SGCZ: variants seen among roughly 807,000 people sequenced by gnomAD.
SGCZ encodes sarcoglycan zeta.
A neutral mutation model predicts 41.3 loss-of-function variants in SGCZ; 40 were observed. The ratio of observed to expected loss-of-function variants is 0.97; its 90% CI spans 0.75 to 1.26. SGCZ has a LOEUF of 1.26. Among genes scored for constraint, SGCZ ranks in the 50% most tolerant of loss-of-function variants. SGCZ has a pLI of 0.00. For missense variants in SGCZ, 552 were observed against 369.8 expected (o/e 1.49, Z -4.04); for synonymous variants, 206 against 137.5 (o/e 1.50, Z -3.49).
intron 2 of SGCZ, among the ~76,000 whole-genome samples, chr8:14,534,412 T>G (rs1342359110): frequency 6.6e-6 from 1 of 152,070 alleles, no homozygotes; most frequent in Non-Finnish European, 1.5e-5. Context: ...AGTTTCTAAG[T>G]AGAACTGTAT....
At chr8:14,116,666 A>C (rs946334812) in intron 5 of SGCZ, among the ~76,000 whole-genome samples, 6 of 152,082 alleles carry the variant, frequency 3.9e-5, no homozygotes, top group Non-Finnish European at 5.9e-5. Flanking sequence ...TTGTTGCTCA[A>C]GGTTGCTCCT....
At chr8:14,599,322 C>T (rs940352634) in intron 1 of SGCZ, among the ~76,000 whole-genome samples, 5 of 152,146 alleles carry the variant, frequency 3.3e-5, no homozygotes, top group Non-Finnish European at 7.3e-5. Context: ...TAAAGTCCTT[C>T]GTCCTACCCT....
At chr8:14,891,814 T>A (rs1805029806) in intron 1 of SGCZ, among the ~76,000 whole-genome samples, 1 of 152,186 alleles carries the variant, frequency 6.6e-6, no homozygotes, top group Admixed American at 6.5e-5. Context: ...TTAGCAACCA[T>A]CACCCTCATC....
At chr8:15,148,876 T>C (rs1306831996) in intron 1 of SGCZ, among the ~76,000 whole-genome samples, 1 of 152,170 alleles carries the variant, frequency 6.6e-6, no homozygotes, top group East Asian at 1.9e-4. Context: ...CACACTGTCA[T>C]AGTCGACAAA....
At chr8:14,936,234 T>A (rs1313479640) in intron 1 of SGCZ, among the ~76,000 whole-genome samples, 1 of 151,918 alleles carries the variant, frequency 6.6e-6, no homozygotes, top group Non-Finnish European at 1.5e-5. Context: ...CAGATGCTCC[T>A]TGACTTACAA....
chr8:14,938,322 A>T (rs531591012), intron 1 of SGCZ, among the ~76,000 whole-genome samples: 1 of 152,224 alleles, frequency 6.6e-6, no homozygotes, highest in East Asian at 1.9e-4. Context: ...TGGTCTACTT[A>T]TGTGTGGATT....
chr8:14,211,669 G>C (rs537077455), intron 4 of SGCZ, among the ~76,000 whole-genome samples: 1 of 152,068 alleles, frequency 6.6e-6, no homozygotes, highest in Admixed American at 6.6e-5. Flanking sequence ...GAGAGAGAGA[G>C]AGTAAAAAGG....
Position 14,862,555 on chromosome 8 carries a change from TATATATATATATATATATATATATATAC to T in SGCZ, c.40-307657_40-307630del, listed in dbSNP as rs997331967. On this transcript the variant is annotated intron_variant, in intron 1 of 7. Coordinates refer to ENST00000382080, the MANE Select transcript of SGCZ (RefSeq NM_139167.4). ...TTTAAGATATATATATATATATATATATATATATATATATATATATATATATACACACACAATTGCAAAACATACATTT... is the reference window on the plus strand; with the variant it reads ...TTTAAGATATATATATATATATATATACACACAATTGCAAAACATACATTT... Among the ~76,000 whole-genome samples, 82 of 136,306 alleles carry T rather than the reference TATATATATATATATATATATATATATAC, an allele frequency of 6.0e-4. 1 individual carries two copies. Among genetic ancestry groups the T allele is most frequent in the African/African-American group, 2.1e-3 (78 of 36,968 alleles). The allele number at this position is 136,306 out of a possible 152,430, so 89.4% of individuals were successfully genotyped here. A position where few individuals can be genotyped will look rare whatever the true frequency, so the allele number is the denominator to read the frequency against.
chr8:14,406,418 T>G (rs1181730919), intron 2 of SGCZ, among the ~76,000 whole-genome samples: 1 of 152,186 alleles, frequency 6.6e-6, no homozygotes, highest in East Asian at 1.9e-4. Context: ...GCTTCTAGGA[T>G]GTAAATTTCG....
At chr8:14,866,477 G>A (rs1803935443) in intron 1 of SGCZ, among the ~76,000 whole-genome samples, 1 of 151,972 alleles carries the variant, frequency 6.6e-6, no homozygotes, top group Non-Finnish European at 1.5e-5. Flanking sequence ...TTTATATGGT[G>A]CTCTTCTTTA....
chr8:14,861,708 CA>C (rs1803752246), intron 1 of SGCZ, among the ~76,000 whole-genome samples: 1 of 151,918 alleles, frequency 6.6e-6, no homozygotes, highest in African/African-American at 2.4e-5. Context: ...AGTGGTCTTG[CA>C]TTTTCATTTT....
intron 1 of SGCZ, among the ~76,000 whole-genome samples, chr8:15,086,832 A>G (rs1805966983): frequency 6.6e-6 from 1 of 152,042 alleles, no homozygotes; most frequent in African/African-American, 2.4e-5. Flanking sequence ...ATCTTGATCC[A>G]TTTTTCCAGC....
intron 4 of SGCZ, among the ~76,000 whole-genome samples, chr8:14,222,925 T>G (rs1182839771): frequency 6.6e-6 from 1 of 150,664 alleles, no homozygotes; most frequent in East Asian, 2.0e-4. Context: ...GACTCTCCTG[T>G]CTCAGCCTTT....
chr8:14,826,337 T>C (rs1802314640), intron 1 of SGCZ, among the ~76,000 whole-genome samples: 2 of 152,206 alleles, frequency 1.3e-5, no homozygotes, highest in South Asian at 4.1e-4. Context: ...CTATCATGGT[T>C]GGACATTTGG....
chr8:14,147,908 G>A (rs141431007), intron 5 of SGCZ, among the ~76,000 whole-genome samples: 22 of 152,030 alleles, frequency 1.4e-4, no homozygotes, highest in African/African-American at 3.4e-4. Context: ...GGAATTTTGC[G>A]AACTATACAA....
At chr8:14,422,516 C>T (rs1312004401) in intron 2 of SGCZ, among the ~76,000 whole-genome samples, 3 of 152,178 alleles carry the variant, frequency 2.0e-5, no homozygotes, top group Non-Finnish European at 4.4e-5. Context: ...CCCTCACACA[C>T]TCATTGGTGA....
At chr8:14,884,917 G>T (rs543765838) in intron 1 of SGCZ, among the ~76,000 whole-genome samples, 2 of 152,186 alleles carry the variant, frequency 1.3e-5, no homozygotes, top group East Asian at 3.9e-4. Flanking sequence ...ACAGGCGCGT[G>T]TGTGTCCCCT....
At position 14,230,163 on chromosome 8, in the gene SGCZ, T is replaced by C. The variant is rs1156267394; in HGVS notation, c.424+7429A>G. On this transcript the variant is annotated intron_variant, in intron 4 of 7. Transcript: ENST00000382080. Reference sequence around the variant, plus strand: ...CGTAAGGACCAGTAGATTCATCAACTGACTCCCTTCTCCAAAGGTAAAAAG... The same window carrying C: ...CGTAAGGACCAGTAGATTCATCAACCGACTCCCTTCTCCAAAGGTAAAAAG... Among the ~76,000 whole-genome samples the C allele has an allele frequency of 3.3e-5, 5 of 152,122 alleles. No individual in the cohort carries two copies. In the East Asian group the frequency reaches 9.7e-4, roughly 29 times the overall value.
chr8:14,311,542 C>G (rs1801544287), intron 3 of SGCZ, among the ~76,000 whole-genome samples: 2 of 152,122 alleles, frequency 1.3e-5, no homozygotes, highest in Non-Finnish European at 2.9e-5. Context: ...ATCTCCATAA[C>G]TATTGAAAGA....
Sources: gnomAD v4.1 joint callset for allele counts (sites outside exome capture counted in the v4.1 genomes callset) on GRCh38, gnomAD v4.1.1 for gene constraint, MANE v1.5 for transcripts, NCBI Gene and HGNC (gene_info 2026-07-23, HGNC 2026-07-21) for gene names.